The following ADCY2 variants were observed in gnomAD, a reference collection of about 807,000 sequenced individuals.
ADCY2 encodes adenylate cyclase type 2.
A neutral mutation model predicts 125.2 loss-of-function variants in ADCY2; 31 were observed. That is an observed-to-expected ratio of 0.25 (90% CI 0.19 to 0.33). The LOEUF (loss-of-function observed/expected upper bound fraction) is 0.33. ADCY2 is among the 10% of genes least tolerant of loss of function. ADCY2 has a pLI of 1.00. For synonymous variants in ADCY2, 512 were observed against 548.4 expected, an observed-to-expected ratio of 0.93 and a Z score of 0.93; for missense variants, 904 against 1,418.2, an observed-to-expected ratio of 0.64 and a Z score of 5.82.
At chr5:7,711,088 C>T (rs1449354192) in intron 10 of ADCY2, among the ~76,000 whole-genome samples, 4 of 152,146 alleles carry the variant, frequency 2.6e-5, no homozygotes, top group African/African-American at 4.8e-5. Flanking sequence ...AGGATGTAGA[C>T]GGTTGGATCT....
intron 2 of ADCY2, among the ~76,000 whole-genome samples, chr5:7,440,375 C>G (rs935332389): frequency 1.3e-5 from 2 of 152,150 alleles, no homozygotes; most frequent in African/African-American, 2.4e-5. Context: ...TGATTATGCT[C>G]TAAAATGTTT....
chr5:7,679,049 A>G (rs1357258693), intron 4 of ADCY2, among the ~76,000 whole-genome samples: 1 of 152,220 alleles, frequency 6.6e-6, no homozygotes, highest in Non-Finnish European at 1.5e-5. Context: ...GGGCTCACTA[A>G]CACCTACGCT....
intron 5 of ADCY2, chr5:7,692,277 T>C (rs1740728471): frequency 6.6e-6 from 1 of 152,190 alleles, no homozygotes; most frequent in South Asian, 2.1e-4. Flanking sequence ...TTAAAGACAT[T>C]GCTGGGACAA....
At position 7,712,837 on chromosome 5, in the gene ADCY2, A is replaced by G. The variant is rs776636034; in HGVS notation, c.1579-19A>G. 1 of 1,576,426 alleles carries G rather than the reference A, an allele frequency of 6.3e-7. No homozygotes were observed. The highest frequency in any genetic ancestry group is 1.7e-5 in the Admixed American group (1 of 57,854). On this transcript the variant is annotated intron_variant, in intron 10 of 24. Transcript: ENST00000338316. The stretch of plus-strand genomic sequence containing the variant: ...TTGAAACATGTTTTGACAATTAATA[A>G]CCTTTTTTCTCAATATAGGATGTAC...
intron 5 of ADCY2, among the ~76,000 whole-genome samples, 156 bp from the exon 6 acceptor site, chr5:7,695,595 AT>A (rs755295293): frequency 9.5e-4 from 145 of 152,376 alleles, no homozygotes; most frequent in Non-Finnish European, 1.6e-3. Flanking sequence ...GTTCAAAAAA[AT>A]GTTTATATAT....
rs969445338 is a variant in ADCY2 at position 7,472,231 on chromosome 5, T to G, written c.409-48507T>G. On this transcript the variant is annotated intron_variant, in intron 2 of 24. Transcript: ENST00000338316. ...TGTTTTTCTCTGGCTTTCTTTTCCT[T>G]GTGCTCACATAAGATTAATTTGATT... Among the ~76,000 whole-genome samples the G allele has an allele frequency of 7.2e-5, 11 of 152,288 alleles. No homozygotes were observed. The South Asian group carries it at 1.0e-3, about 14-fold the overall frequency.
At chr5:7,529,888 CTG>C (rs1353190480) in intron 3 of ADCY2, among the ~76,000 whole-genome samples, 5 of 152,204 alleles carry the variant, frequency 3.3e-5, no homozygotes, top group Non-Finnish European at 7.4e-5. Flanking sequence ...TCCAGGGTGT[CTG>C]TGAGTTTGCT....
At chr5:7,532,583 G>C (rs538675509) in intron 3 of ADCY2, among the ~76,000 whole-genome samples, 179 of 152,154 alleles carry the variant, frequency 1.2e-3, no homozygotes, top group Non-Finnish European at 1.8e-3. Flanking sequence ...CTAGCTTTTG[G>C]GTTAGGTTAA....
At chr5:7,658,399 T>TTTTGTGTGTGTGTGTG (rs1554029015) in intron 4 of ADCY2, among the ~76,000 whole-genome samples, 7 of 131,022 alleles carry the variant, frequency 5.3e-5, no homozygotes, top group African/African-American at 1.7e-4. Context: ...GTGAAGAGAA[T>TTTTGTGTGTGTGTGTG]TGTGTGTGTG....
chr5:7,493,455 C>T (rs184705795), intron 2 of ADCY2, among the ~76,000 whole-genome samples: 2 of 152,190 alleles, frequency 1.3e-5, no homozygotes, highest in Admixed American at 6.5e-5. Context: ...GAAACATAAG[C>T]CTGTTTTTAA....
intron 2 of ADCY2, 73 bp from the exon 3 acceptor site, chr5:7,520,665 T>A: frequency 3.2e-6 from 5 of 1,540,448 alleles, no homozygotes; most frequent in Non-Finnish European, 4.5e-6. Context: ...CAGCCTTTAG[T>A]GGCATGGAAA....
chr5:7,415,038 T>C (rs1389031597), intron 2 of ADCY2, among the ~76,000 whole-genome samples: 2 of 152,232 alleles, frequency 1.3e-5, no homozygotes, highest in African/African-American at 4.8e-5. Flanking sequence ...TGTATGTGTA[T>C]GTATATGTGT....
chr5:7,457,360 G>T (rs566839263), intron 2 of ADCY2, among the ~76,000 whole-genome samples: 1 of 152,160 alleles, frequency 6.6e-6, no homozygotes, highest in South Asian at 2.1e-4. Flanking sequence ...CTGCTATTTA[G>T]TTGGGTGCTG....
At chr5:7,683,732 A>G (rs1314228178) in intron 4 of ADCY2, among the ~76,000 whole-genome samples, 1 of 152,196 alleles carries the variant, frequency 6.6e-6, no homozygotes, top group African/African-American at 2.4e-5. Flanking sequence ...TAGCATGTAC[A>G]TAACTGCATC....
chr5:7,429,498 A>C (rs750436579), intron 2 of ADCY2, among the ~76,000 whole-genome samples: 2 of 152,248 alleles, frequency 1.3e-5, no homozygotes, highest in African/African-American at 2.4e-5. Flanking sequence ...ATTTACTAAG[A>C]TAGACCATAT....
At chr5:7,480,521 G>A (rs1300076118) in intron 2 of ADCY2, among the ~76,000 whole-genome samples, 1 of 151,986 alleles carries the variant, frequency 6.6e-6, no homozygotes, top group East Asian at 1.9e-4. Context: ...AAATACCATA[G>A]GTTCTCACTT....
chr5:7,615,131 A>G (rs899994135), intron 3 of ADCY2, among the ~76,000 whole-genome samples: 1 of 152,152 alleles, frequency 6.6e-6, no homozygotes, highest in Admixed American at 6.5e-5. Flanking sequence ...ATGAGAACTC[A>G]CTATCACAAG....
intron 17 of ADCY2, among the ~76,000 whole-genome samples, chr5:7,768,035 A>AG (rs957357691): frequency 3.5e-5 from 2 of 56,902 alleles, no homozygotes; most frequent in East Asian, 2.4e-4. Flanking sequence ...TGTCTCAAAA[A>AG]GAAAAAAAAA....
At chr5:7,579,583 G>A (rs776559139) in intron 3 of ADCY2, among the ~76,000 whole-genome samples, 4 of 152,116 alleles carry the variant, frequency 2.6e-5, no homozygotes, top group Non-Finnish European at 5.9e-5. Flanking sequence ...GCCCGCTGTG[G>A]GAGAGACCAG....
Sources: allele counts gnomAD v4.1 joint callset (sites outside exome capture counted in the v4.1 genomes callset), GRCh38; gene constraint gnomAD v4.1.1; transcripts MANE v1.5; gene names NCBI Gene and HGNC (gene_info 2026-07-23, HGNC 2026-07-21).